SNTB1: variants seen among roughly 807,000 people sequenced by gnomAD.
SNTB1 encodes syntrophin beta 1.
Under a neutral mutation model 48.9 loss-of-function variants are expected in SNTB1, and 36 were observed. That is an observed-to-expected ratio of 0.74 (90% CI 0.56 to 0.97). SNTB1 has a LOEUF of 0.97. Among genes scored for constraint, SNTB1 ranks in the 50% least tolerant of loss-of-function variants. The probability of loss-of-function intolerance (pLI) is 0.00; values close to 1 mark genes in which losing one functional copy is unlikely to be tolerated. For synonymous variants in SNTB1, 299 were observed against 294.6 expected (o/e 1.01, Z -0.15); for missense variants, 786 against 703.4 (o/e 1.12, Z -1.33).
intron 2 of SNTB1, among the ~76,000 whole-genome samples, chr8:120,673,128 C>T (rs1817782693): frequency 6.6e-6 from 1 of 152,120 alleles, no homozygotes; most frequent in South Asian, 2.1e-4. Context: ...GTGGAGCTTC[C>T]TGTTATTGCT....
intron 1 of SNTB1, among the ~76,000 whole-genome samples, chr8:120,810,824 A>C (rs1820412811): frequency 2.0e-5 from 3 of 152,120 alleles, no homozygotes; most frequent in South Asian, 4.1e-4. Flanking sequence ...ATTTTGCCAA[A>C]GCGGAAAACT....
At chr8:120,594,848 T>C (rs768368008) in intron 3 of SNTB1, among the ~76,000 whole-genome samples, 1 of 152,042 alleles carries the variant, frequency 6.6e-6, no homozygotes, top group Non-Finnish European at 1.5e-5. Context: ...TTGATAGGTA[T>C]GGAGTTTCAG....
At chr8:120,705,087 G>A (rs1818359954) in intron 1 of SNTB1, among the ~76,000 whole-genome samples, 1 of 152,170 alleles carries the variant, frequency 6.6e-6, no homozygotes, top group Non-Finnish European at 1.5e-5. Flanking sequence ...GTTTAAATGA[G>A]GGTAAAGCAA....
chr8:120,725,789 C>A (rs976488202), intron 1 of SNTB1, among the ~76,000 whole-genome samples: 2 of 152,194 alleles, frequency 1.3e-5, no homozygotes, highest in African/African-American at 4.8e-5. Context: ...ACTGTCTAAT[C>A]TGTATTCTTA....
chr8:120,700,144 G>GA (rs1344045739), intron 1 of SNTB1, among the ~76,000 whole-genome samples: 1 of 144,420 alleles, frequency 6.9e-6, no homozygotes, highest in Non-Finnish European at 1.5e-5. Context: ...TTCTCGCTCT[G>GA]AAAAAAAATT....
chr8:120,657,807 C>G (rs1411862398), intron 2 of SNTB1, among the ~76,000 whole-genome samples: 1 of 152,146 alleles, frequency 6.6e-6, no homozygotes, highest in African/African-American at 2.4e-5. Context: ...TGCCAGGAGC[C>G]ATGTGAAGAG....
rs529453443 is a variant in SNTB1, at chr8:120,747,435, C to A, written c.572-53527G>T. ...CCTCCTGAGTAGCTAGGACTACAGG[C>A]GTGCACCACCATGCCCGGCTCATTT... On this transcript the variant is annotated intron_variant, in intron 1 of 6. Transcript: ENST00000517992. Among the ~76,000 whole-genome samples the A allele has an allele frequency of 3.3e-5, 5 of 152,274 alleles. No homozygotes were observed. In the East Asian group the frequency reaches 9.6e-4, roughly 29 times the overall value.
At chr8:120,733,419 G>A (rs1818886256) in intron 1 of SNTB1, among the ~76,000 whole-genome samples, 1 of 152,234 alleles carries the variant, frequency 6.6e-6, no homozygotes, top group South Asian at 2.1e-4. Flanking sequence ...CTGCTCTGTG[G>A]AATTACAGGG....
chr8:120,783,586 A>G (rs899159835), intron 1 of SNTB1, among the ~76,000 whole-genome samples: 2 of 152,148 alleles, frequency 1.3e-5, no homozygotes, highest in African/African-American at 4.8e-5. Context: ...ACTTGCCCTG[A>G]TAGAGTCCTG....
At chr8:120,645,317 A>G (rs1281090151) in intron 2 of SNTB1, among the ~76,000 whole-genome samples, 121 of 149,272 alleles carry the variant, frequency 8.1e-4, no homozygotes, top group African/African-American at 2.9e-3. Context: ...TAAGTCTTTA[A>G]TCCATATTGA....
At chr8:120,776,006 C>A (rs1393343230) in intron 1 of SNTB1, among the ~76,000 whole-genome samples, 2 of 152,160 alleles carry the variant, frequency 1.3e-5, no homozygotes, top group African/African-American at 4.8e-5. Flanking sequence ...TAAACTAGTT[C>A]AACCATTGTG....
intron 4 of SNTB1, among the ~76,000 whole-genome samples, chr8:120,563,390 A>G (rs1192227350): frequency 6.6e-6 from 1 of 152,136 alleles, no homozygotes; most frequent in African/African-American, 2.4e-5. Flanking sequence ...GAATTGCTAA[A>G]ATTACAACTT....
chr8:120,627,898 G>A (rs1470522174), intron 3 of SNTB1, among the ~76,000 whole-genome samples: 2 of 152,130 alleles, frequency 1.3e-5, no homozygotes, highest in African/African-American at 4.8e-5. Context: ...CATACTAGAG[G>A]AGAGATCTTA....
intron 4 of SNTB1, among the ~76,000 whole-genome samples, chr8:120,573,921 T>G (rs1400338128): frequency 6.6e-6 from 1 of 152,224 alleles, no homozygotes; most frequent in Non-Finnish European, 1.5e-5. Flanking sequence ...AGGTTTTGAT[T>G]ATTATAGGCT....
intron 4 of SNTB1, among the ~76,000 whole-genome samples, chr8:120,562,777 C>A (rs535424440): frequency 6.6e-6 from 1 of 152,052 alleles, no homozygotes; most frequent in African/African-American, 2.4e-5. Flanking sequence ...CACTTAGAAA[C>A]GGGTTAATTG....
chr8:120,746,824 A>G lies in SNTB1; in HGVS notation c.572-52916T>C, dbSNP rs377556756. Among the ~76,000 whole-genome samples the G allele has an allele frequency of 2.1e-3, 323 of 152,334 alleles. 2 individuals are homozygous for G. The highest frequency in any genetic ancestry group is 7.5e-3 in the African/African-American group (313 of 41,572). On this transcript the variant is annotated intron_variant, in intron 1 of 6. Coordinates refer to ENST00000517992, the MANE Select transcript of SNTB1 (RefSeq NM_021021.4). ...GGCTATAGACTGAAACCATGTTTCC[A>G]GGGACAGTTTAATCATCTTGAAAAT...
chr8:120,698,218 C>G (rs1419390781), intron 1 of SNTB1, among the ~76,000 whole-genome samples: 1 of 152,004 alleles, frequency 6.6e-6, no homozygotes, highest in Non-Finnish European at 1.5e-5. Context: ...GGGGTAATGG[C>G]TTAGGTTTTT....
intron 3 of SNTB1, among the ~76,000 whole-genome samples, chr8:120,598,774 G>A (rs1389528518): frequency 6.6e-6 from 1 of 152,180 alleles, no homozygotes; most frequent in Non-Finnish European, 1.5e-5. Flanking sequence ...CTAGGGGAGA[G>A]CCCTTTGCTT....
At chr8:120,684,914 C>T (rs966737140) in intron 2 of SNTB1, among the ~76,000 whole-genome samples, 17 of 152,124 alleles carry the variant, frequency 1.1e-4, no homozygotes, top group Non-Finnish European at 2.4e-4. Context: ...CCTTGGCATC[C>T]CAAAGTGCTG....
Sources: allele counts gnomAD v4.1 joint callset (sites outside exome capture counted in the v4.1 genomes callset), GRCh38; gene constraint gnomAD v4.1.1; transcripts MANE v1.5; gene names NCBI Gene and HGNC (gene_info 2026-07-23, HGNC 2026-07-21).